YEATS2: variants seen among roughly 807,000 people sequenced by gnomAD.
YEATS2 encodes YEATS domain-containing protein 2.
Under a neutral mutation model 163.2 loss-of-function variants are expected in YEATS2, and 77 were observed. The ratio of observed to expected loss-of-function variants is 0.47; its 90% confidence interval spans 0.39 to 0.57. The LOEUF (loss-of-function observed/expected upper bound fraction) is 0.57, where lower values mean the gene tolerates loss of function less well. Ranked by LOEUF, YEATS2 falls within the 20% of genes least tolerant of loss-of-function variation. YEATS2 has a pLI of 0.00. For missense variants in YEATS2, 1,549 were observed against 1,729.8 expected, an observed-to-expected ratio of 0.90 and a Z score of 1.85; for synonymous variants, 631 against 645.1, an observed-to-expected ratio of 0.98 and a Z score of 0.33.
rs565655135 is a variant in YEATS2, at chr3:183,804,621, C to T, written c.3784+433C>T. Among the ~76,000 whole-genome samples the T allele has an allele frequency of 3.3e-5, 5 of 152,286 alleles. No individual in the cohort carries two copies. In the East Asian group the frequency reaches 5.8e-4, roughly 18 times the overall value. ...TTATCTCCAAACCCAGCTCGGAGGA[C>T]GCCACCCAGTGCGGGAGGCACTTGT... is the stretch of plus-strand genomic sequence containing the variant. On this transcript the variant is annotated intron_variant, in intron 27 of 30. Coordinates refer to ENST00000305135, the MANE Select transcript of YEATS2 (RefSeq NM_018023.5).
Position 183,762,188 on chromosome 3 carries a change from A to C in YEATS2, c.1856A>C (p.Lys619Thr). 2 of 1,614,162 alleles carry C rather than the reference A, an allele frequency of 1.2e-6. No homozygotes were observed. The highest frequency in any genetic ancestry group is 1.7e-6 in the Non-Finnish European group (2 of 1,180,032). Residue 619 changes from lysine to threonine, a missense_variant, in exon 15 of 31, where the codon AAA becomes ACA. By Grantham distance (78) the Lys-to-Thr change is moderately conservative. Transcript: ENST00000305135. ...CCACTCCCGCAGTATGTGACTGTGA[A>C]AGGGGGTCACATGATAGCTGTGTCC... is the stretch of plus-strand genomic sequence containing the variant. ...QSPLPQYVTVKGGHMIAVSPQ... is the reference protein window; with the variant it reads ...QSPLPQYVTVTGGHMIAVSPQ...
At chr3:183,718,688 T>C (rs1169723270) in intron 4 of YEATS2, 96 bp downstream of exon 4, 1 of 1,035,932 alleles carries the variant, frequency 9.7e-7, no homozygotes, top group Non-Finnish European at 1.4e-6. Flanking sequence ...CTGAAACATT[T>C]CTTTCTGTTT....
intron 7 of YEATS2, among the ~76,000 whole-genome samples, chr3:183,730,151 A>AC (rs1210059898): frequency 3.7e-5 from 4 of 107,258 alleles, no homozygotes; most frequent in Admixed American, 3.0e-4. Context: ...TGCAACCTCC[A>AC]CCCCCCAGGT....
At chr3:183,805,276 G>A (rs1235276246) in intron 27 of YEATS2, among the ~76,000 whole-genome samples, 1 of 151,946 alleles carries the variant, frequency 6.6e-6, no homozygotes, top group Non-Finnish European at 1.5e-5. Context: ...TAGCTCGCCT[G>A]TAGTCCCAGC....
In YEATS2 at chr3:183,758,901, C is replaced by T; in HGVS notation, c.1592C>T (p.Ser531Phe). The T allele has an allele frequency of 6.3e-7, 1 of 1,597,196 alleles. No individual in the cohort carries two copies. The highest frequency in any genetic ancestry group is 8.5e-7 in the Non-Finnish European group (1 of 1,174,872). Residue 531 changes from serine to phenylalanine, a missense_variant, in exon 13 of 31, where the codon TCC becomes TTC. Transcript: ENST00000305135. The stretch of plus-strand genomic sequence containing the variant: ...AAGATCTCCACGGCTTCTCAGGTCT[C>T]CCAAGGAACAGGTTCCCCTGTTCCT... ...TNKISTASQV[S>F]QGTGSPVPKI...
intron 19 of YEATS2, among the ~76,000 whole-genome samples, chr3:183,783,398 T>C (rs1292813742): frequency 6.6e-6 from 1 of 152,234 alleles, no homozygotes; most frequent in Non-Finnish European, 1.5e-5. Flanking sequence ...TTGCTGCTGT[T>C]TTTTATAATT....
intron 7 of YEATS2, among the ~76,000 whole-genome samples, chr3:183,733,432 A>T (rs1283543703): frequency 6.6e-6 from 1 of 152,184 alleles, no homozygotes; most frequent in East Asian, 1.9e-4. Context: ...ATTCTTTGGT[A>T]TACTCCAGTT....
chr3:183,754,434 CA>C (rs753087194), intron 11 of YEATS2, 69 bp downstream of exon 11: 28 of 1,524,850 alleles, frequency 1.8e-5, no homozygotes, highest in Non-Finnish European at 2.2e-5. Context: ...AACAACAAAA[CA>C]AAATACTTGG....
intron 21 of YEATS2, among the ~76,000 whole-genome samples, chr3:183,795,595 T>C (rs78098219): frequency 0.042 from 6,395 of 151,282 alleles, 447 homozygotes; most frequent in African/African-American, 0.14. Context: ...GCTGCTGCAC[T>C]TGGCCCTACA....
chr3:183,763,848 A>G (rs2109362271), intron 15 of YEATS2, among the ~76,000 whole-genome samples: 1 of 152,186 alleles, frequency 6.6e-6, no homozygotes, highest in Admixed American at 6.5e-5. Flanking sequence ...CGGACAGATC[A>G]CTTCAGGTCA....
At chr3:183,700,372 A>G (rs935208070) in intron 1 of YEATS2, among the ~76,000 whole-genome samples, 7 of 152,100 alleles carry the variant, frequency 4.6e-5, no homozygotes, top group African/African-American at 1.7e-4. Context: ...CTTAGAATAG[A>G]TTCTCAGAAA....
At chr3:183,798,456 C>T (rs1388103715) in intron 22 of YEATS2, among the ~76,000 whole-genome samples, 1 of 152,164 alleles carries the variant, frequency 6.6e-6, no homozygotes, top group Non-Finnish European at 1.5e-5. Flanking sequence ...TGGGTTCAAG[C>T]GATTCGCATG....
intron 14 of YEATS2, 68 bp downstream of exon 14, chr3:183,761,682 C>A: frequency 7.2e-7 from 1 of 1,386,022 alleles, no homozygotes; most frequent in Non-Finnish European, 1.0e-6. Context: ...AGTTCATTGC[C>A]ACTACCCCTA....
At chr3:183,772,201 C>A in intron 15 of YEATS2, 104 bp from the exon 16 acceptor site, 1 of 1,500,624 alleles carries the variant, frequency 6.7e-7, no homozygotes, top group Non-Finnish European at 9.1e-7. Flanking sequence ...CTGAATTAGG[C>A]TGCATGTATT....
chr3:183,773,907 TG>T (rs1722722145), intron 17 of YEATS2, 113 bp downstream of exon 17: 1 of 1,280,602 alleles, frequency 7.8e-7, no homozygotes, highest in South Asian at 1.8e-5. Flanking sequence ...GTAACTCTGT[TG>T]GGTGGTGTAA....
intron 19 of YEATS2, among the ~76,000 whole-genome samples, chr3:183,782,166 G>A (rs1723630344): frequency 1.1e-4 from 16 of 151,870 alleles, no homozygotes; most frequent in African/African-American, 3.9e-4. Context: ...CTGGAGTGCA[G>A]TGGTGCGATC....
At position 183,804,166 on chromosome 3, in the gene YEATS2, G is replaced by C; in HGVS notation, c.3762G>C (p.Leu1254=). Residue 1254 remains leucine (L), a synonymous_variant, in exon 27 of 31, where the codon CTG becomes CTC. Transcript: ENST00000305135. Reference sequence around the variant, plus strand: ...ACGGGGACTCCATCGAGGACGTGCTGACCCAGATCGACAGCGAGCCCGGTA... The same window carrying C: ...ACGGGGACTCCATCGAGGACGTGCTCACCCAGATCGACAGCGAGCCCGGTA... ...RNDGDSIEDV[L]TQIDSEPECP... is the part of the protein sequence containing the mutation. 6.2e-7 allele frequency: 1 copy of C among 1,614,168 alleles called. No homozygotes were observed. The highest frequency in any genetic ancestry group is 8.5e-7 in the Non-Finnish European group (1 of 1,180,034).
At chr3:183,747,805 G>T (rs766720788) in intron 9 of YEATS2, 89 bp downstream of exon 9, 32 of 1,269,944 alleles carry the variant, frequency 2.5e-5, no homozygotes, top group Non-Finnish European at 3.4e-5. Context: ...TTGAGACGGG[G>T]TCTTCGCTCT....
intron 21 of YEATS2, among the ~76,000 whole-genome samples, chr3:183,797,526 A>G (rs263045): frequency 0.47 from 71,107 of 149,826 alleles, 17,054 homozygotes; most frequent in East Asian, 0.65. Flanking sequence ...CAACCTGGGC[A>G]ACAGCCTGTC....
Sources: allele counts gnomAD v4.1 joint callset (sites outside exome capture counted in the v4.1 genomes callset), GRCh38; gene constraint gnomAD v4.1.1; transcripts MANE v1.5; gene names NCBI Gene and HGNC (gene_info 2026-07-23, HGNC 2026-07-21).